Variants in PPME1 observed in about 807,000 individuals in gnomAD.
The protein encoded by PPME1 is testicular secretory protein Li 39.
In PPME1, 17 loss-of-function variants were observed where a neutral mutation model predicts 56.9. That is an observed-to-expected ratio of 0.30 (90% CI 0.20 to 0.45). The LOEUF (loss-of-function observed/expected upper bound fraction) is 0.45, where lower values mean the gene tolerates loss of function less well. PPME1 is among the 20% of genes least tolerant of loss of function. The pLI is 1.00. For synonymous variants in PPME1, 122 were observed against 156.2 expected (o/e 0.78, Z 1.63); for missense variants, 357 against 483.2 (o/e 0.74, Z 2.45).
chr11:74,250,909 G>A, intron 11 of PPME1, 45 bp from the exon 12 acceptor site: 5 of 1,499,620 alleles, frequency 3.3e-6, no homozygotes, highest in Non-Finnish European at 3.7e-6. Context: ...CATAAGAGAG[G>A]GCTCTTTTAG....
chr11:74,197,472 AACTG>A (rs1203556401), intron 1 of PPME1, among the ~76,000 whole-genome samples: 1 of 152,328 alleles, frequency 6.6e-6, no homozygotes, highest in South Asian at 2.1e-4. Flanking sequence ...TGATAAATAG[AACTG>A]ACTAATTTGA....
chr11:74,177,525 C>T (rs1032172746), intron 1 of PPME1, among the ~76,000 whole-genome samples: 8 of 151,604 alleles, frequency 5.3e-5, no homozygotes, highest in Admixed American at 3.9e-4. Flanking sequence ...TATATAAATC[C>T]GGGTCTGTGG....
At chr11:74,188,765 T>C (rs1162741921) in intron 1 of PPME1, among the ~76,000 whole-genome samples, 3 of 152,010 alleles carry the variant, frequency 2.0e-5, no homozygotes, top group Non-Finnish European at 4.4e-5. Flanking sequence ...TTTTCAGTTC[T>C]TTTTTTTCCT....
chr11:74,253,740 T>C lies in PPME1; in HGVS notation c.*230T>C, dbSNP rs1468471631. 3.3e-6 allele frequency: 2 copies of C among 604,148 alleles called. No homozygotes were observed. Among genetic ancestry groups the C allele is most frequent in the East Asian group, 2.8e-5 (1 of 35,974 alleles). 37.4% of individuals were successfully genotyped at this position (604,148 alleles called of 1,614,324 possible). On this transcript the variant is annotated 3_prime_UTR_variant, in exon 14 of 14. Coordinates refer to ENST00000328257, the MANE Select transcript of PPME1 (RefSeq NM_016147.3). ...CCCCAGTCCAGGGCTCCCCTGCTCC[T>C]TTCCCTTCCCTGTACTGGGGTAGCT... is the stretch of plus-strand genomic sequence containing the variant.
At chr11:74,177,463 A>C (rs1446675404) in intron 1 of PPME1, among the ~76,000 whole-genome samples, 1 of 152,064 alleles carries the variant, frequency 6.6e-6, no homozygotes, top group Non-Finnish European at 1.5e-5. Flanking sequence ...AAAAAAAAAA[A>C]AGTCTTCTTT....
intron 1 of PPME1, among the ~76,000 whole-genome samples, chr11:74,183,680 T>G (rs78214037): frequency 0.023 from 3,471 of 152,292 alleles, 125 homozygotes; most frequent in African/African-American, 0.078. Flanking sequence ...TTCTTAGTTT[T>G]TCATCTTACA....
chr11:74,235,995 G>A lies in PPME1; in HGVS notation c.710+29G>A, dbSNP rs768609076. ...GGTCTTACTCTTCCCCCTTGGTCTG[G>A]TTAGAGGCGGAAACATGGTGAGGGA... On this transcript the variant is annotated intron_variant, in intron 8 of 13. Coordinates refer to ENST00000328257, the MANE Select transcript of PPME1 (RefSeq NM_016147.3). 7 of 1,606,060 alleles carry A rather than the reference G, an allele frequency of 4.4e-6. 1 individual carries two copies. The South Asian group carries it at 7.8e-5, about 18-fold the overall frequency.
At chr11:74,247,669 T>C (rs1466246977) in intron 11 of PPME1, 2 of 152,442 alleles carry the variant, frequency 1.3e-5, no homozygotes, top group Non-Finnish European at 2.9e-5. Flanking sequence ...GTATTTTTAG[T>C]AGAGATGGAG....
rs779677601 is a variant in PPME1, at chr11:74,239,154, A to C, written c.732A>C (p.Pro244=). 1 of 1,613,664 alleles carries C rather than the reference A, an allele frequency of 6.2e-7. No individual in the cohort carries two copies. The highest frequency in any genetic ancestry group is 1.1e-5 in the South Asian group (1 of 91,026). The change falls in exon 9 of 14, where the codon CCA becomes CCC. Residue 244 remains proline, a synonymous_variant. Transcript: ENST00000328257. ...QVKQCEGITS[P]EGSKSIVEGI... is the part of the protein sequence containing the mutation. ...CTAGGTGTGAAGGAATTACAAGTCC[A>C]GAAGGCTCAAAATCTATAGTGGAAG...
intron 5 of PPME1, among the ~76,000 whole-genome samples, chr11:74,229,905 A>G (rs1192208774): frequency 6.6e-6 from 1 of 152,216 alleles, no homozygotes; most frequent in Non-Finnish European, 1.5e-5. Context: ...GAGCAGTTAA[A>G]TGATTTTTCC....
At chr11:74,228,327 C>A (rs1858981377) in intron 5 of PPME1, among the ~76,000 whole-genome samples, 1 of 152,082 alleles carries the variant, frequency 6.6e-6, no homozygotes, top group Non-Finnish European at 1.5e-5. Context: ...ACTCTAAAGA[C>A]CACATATTAT....
chr11:74,213,569 C>G (rs998503033), intron 3 of PPME1, among the ~76,000 whole-genome samples: 2 of 152,222 alleles, frequency 1.3e-5, no homozygotes, highest in Admixed American at 6.5e-5. Context: ...CAGCACAGTC[C>G]TAGTGCTGGT....
intron 12 of PPME1, chr11:74,251,370 C>G (rs979046814): frequency 7.4e-7 from 1 of 1,358,060 alleles, no homozygotes; most frequent in Non-Finnish European, 9.5e-7. Context: ...AATATGGGCT[C>G]CTCCTGTGAG....
At chr11:74,174,252 T>C (rs1350658733) in intron 1 of PPME1, among the ~76,000 whole-genome samples, 1 of 152,208 alleles carries the variant, frequency 6.6e-6, no homozygotes, top group Non-Finnish European at 1.5e-5. Flanking sequence ...AGCTTAGCGG[T>C]AGGGCCGTTA....
chr11:74,206,537 T>G (rs528518615), intron 3 of PPME1, among the ~76,000 whole-genome samples: 1 of 152,144 alleles, frequency 6.6e-6, no homozygotes, highest in African/African-American at 2.4e-5. Context: ...AAAGAAAGAC[T>G]TGGGAGACAT....
At chr11:74,231,071 T>C (rs767897420) in intron 7 of PPME1, 69 bp downstream of exon 7, 179 of 1,350,492 alleles carry the variant, frequency 1.3e-4, no homozygotes, top group Non-Finnish European at 1.7e-4. Context: ...TATTTATTTA[T>C]TTAGGAGACA....
intron 1 of PPME1, 48 bp from the exon 2 acceptor site, chr11:74,203,679 CT>C: frequency 7.1e-7 from 1 of 1,414,802 alleles, no homozygotes; most frequent in Middle Eastern, 1.8e-4. Context: ...AAGATTTTAT[CT>C]CTTTATGCAT....
chr11:74,237,527 G>A (rs554890851), intron 8 of PPME1, among the ~76,000 whole-genome samples: 5 of 151,496 alleles, frequency 3.3e-5, no homozygotes, highest in South Asian at 4.2e-4. Context: ...CGCCCACCTC[G>A]GCCTCTCAAA....
chr11:74,180,526 A>C (rs1344731080), intron 1 of PPME1, among the ~76,000 whole-genome samples: 1 of 152,186 alleles, frequency 6.6e-6, no homozygotes, highest in Non-Finnish European at 1.5e-5. Context: ...TAGAATCTCT[A>C]TTTCAATACC....
Sources: allele counts gnomAD v4.1 joint callset (sites outside exome capture counted in the v4.1 genomes callset), GRCh38; gene constraint gnomAD v4.1.1; transcripts MANE v1.5; gene names NCBI Gene and HGNC (gene_info 2026-07-23, HGNC 2026-07-21).